Variants in GNA13 observed in about 807,000 individuals in gnomAD.
The protein encoded by GNA13 is guanine nucleotide-binding protein subunit alpha-13.
A neutral mutation model predicts 33.5 loss-of-function variants in GNA13; 4 were observed. The ratio of observed to expected loss-of-function variants is 0.12; its 90% CI spans 0.06 to 0.27. The LOEUF (loss-of-function observed/expected upper bound fraction) is 0.27, where lower values mean the gene tolerates loss of function less well. Ranked by LOEUF, GNA13 falls within the 10% of genes least tolerant of loss-of-function variation. The pLI, the probability that GNA13 is intolerant of heterozygous loss-of-function variation, is 1.00. For synonymous variants in GNA13, 176 were observed against 183.8 expected (o/e 0.96, Z 0.34); for missense variants, 319 against 487.2 (o/e 0.65, Z 3.25).
chr17:65,045,055 A>G (rs1029975483), intron 2 of GNA13, among the ~76,000 whole-genome samples: 35 of 151,742 alleles, frequency 2.3e-4, no homozygotes, highest in Non-Finnish European at 3.4e-4. Context: ...AAAAAAAAAA[A>G]AAAAGAAAAG....
chr17:65,031,462 T>C (rs1455195097), intron 2 of GNA13, among the ~76,000 whole-genome samples: 2 of 152,204 alleles, frequency 1.3e-5, no homozygotes, highest in Non-Finnish European at 2.9e-5. Flanking sequence ...CCCATGCATA[T>C]ATAAGTCCTT....
rs41306353 is a variant in GNA13, at chr17:65,014,290, C to T, written c.1101G>A (p.Leu367=). The part of the protein sequence containing the change: ...LVFRDVKDTI[L]HDNLKQLMLQ ...GCATAAGCTGCTTGAGGTTGTCATG[C>T]AGAATAGTATCCTTCACGTCACGGA... is the stretch of plus-strand genomic sequence containing the variant. Residue 367 remains leucine, a synonymous_variant, in exon 4 of 4, where the codon CTG becomes CTA. Coordinates refer to ENST00000439174, the MANE Select transcript of GNA13 (RefSeq NM_006572.6). This position sits in a 1 kb window ranked among gnomAD's most constrained non-coding sequence, Gnocchi z 5.3. 4,845 of 1,611,674 alleles carry T rather than the reference C, an allele frequency of 3.0e-3. 17 individuals carry two copies. The highest frequency in any genetic ancestry group is 0.011 in the Middle Eastern group (68 of 6,050).
intron 2 of GNA13, among the ~76,000 whole-genome samples, chr17:65,026,329 C>T (rs1156435703): frequency 2.6e-5 from 4 of 152,026 alleles, no homozygotes; most frequent in African/African-American, 9.7e-5. Context: ...ACATAATTGA[C>T]AAATACAATT....
intron 3 of GNA13, among the ~76,000 whole-genome samples, chr17:65,016,837 T>C (rs547182931): frequency 2.6e-5 from 4 of 152,362 alleles, no homozygotes; most frequent in South Asian, 4.1e-4. Flanking sequence ...AGCCTACCTC[T>C]GCATTTTTGC....
chr17:65,052,140 C>T (rs372863935), intron 2 of GNA13: 14 of 152,172 alleles, frequency 9.2e-5, no homozygotes, highest in African/African-American at 3.1e-4. Flanking sequence ...CATCAAACAA[C>T]TTCCTAAGCA....
Position 65,014,930 on chromosome 17 carries a change from G to A in GNA13, c.562-101C>T. On this transcript the variant is annotated intron_variant, in intron 3 of 3. Coordinates refer to ENST00000439174, the MANE Select transcript of GNA13 (RefSeq NM_006572.6). The surrounding 1 kb of genome is among the most constrained non-coding windows in gnomAD (Gnocchi z 5.3). ...TAGTGAATAGATATGCAAACAAAAT[G>A]ATCTTTTAAGTGACATTTTCAGATA... 1 of 670,912 alleles carries A rather than the reference G, an allele frequency of 1.5e-6. No individual in the cohort carries two copies. Among genetic ancestry groups the A allele is most frequent in the Non-Finnish European group, 2.6e-6 (1 of 389,976 alleles). 41.6% of individuals were successfully genotyped at this position (670,912 alleles called of 1,614,324 possible).
rs1238476676 is a variant in GNA13 at position 65,012,474 on chromosome 17, A to C, written c.*1783T>G. The C allele has an allele frequency of 4.5e-6, 1 of 220,038 alleles. No individual in the cohort carries two copies. Among genetic ancestry groups the C allele is most frequent in the Non-Finnish European group, 9.1e-6 (1 of 109,696 alleles). The allele number at this position is 220,038 out of a possible 1,614,324, so 13.6% of individuals were successfully genotyped here. A position where few individuals can be genotyped will look rare whatever the true frequency, so the allele number is the denominator to read the frequency against. ...GCATGAATGATACCATGATACCACG[A>C]ACATGCACGATACCATGAACTTGCA... On this transcript the variant is annotated 3_prime_UTR_variant, in exon 4 of 4. Transcript: ENST00000439174.
intron 2 of GNA13, among the ~76,000 whole-genome samples, chr17:65,041,586 C>T (rs1382172614): frequency 1.3e-5 from 2 of 152,068 alleles, no homozygotes; most frequent in African/African-American, 4.8e-5. Context: ...TAACTAAGTA[C>T]TCTCAACGCC....
intron 2 of GNA13, among the ~76,000 whole-genome samples, chr17:65,038,280 G>A (rs1480315383): frequency 6.6e-6 from 1 of 152,116 alleles, no homozygotes; most frequent in Non-Finnish European, 1.5e-5. Context: ...GCACGTGCCT[G>A]TAATCTCAGC....
At chr17:65,039,224 A>G (rs1216113786) in intron 2 of GNA13, among the ~76,000 whole-genome samples, 2 of 152,048 alleles carry the variant, frequency 1.3e-5, no homozygotes, top group Non-Finnish European at 2.9e-5. Flanking sequence ...TCCTGAATCC[A>G]TTTTCTTCTC....
chr17:65,023,732 A>G (rs951019548), intron 2 of GNA13, among the ~76,000 whole-genome samples: 7 of 152,258 alleles, frequency 4.6e-5, no homozygotes, highest in Non-Finnish European at 7.3e-5. Flanking sequence ...AGTGGACATA[A>G]TATTTCTAAA....
chr17:65,045,389 G>A (rs1907621297), intron 2 of GNA13, among the ~76,000 whole-genome samples: 1 of 151,252 alleles, frequency 6.6e-6, no homozygotes, highest in Non-Finnish European at 1.5e-5. Flanking sequence ...GTATGGCGGT[G>A]CACGCTTGTA....
chr17:65,043,006 G>A (rs1040015570), intron 2 of GNA13, among the ~76,000 whole-genome samples: 2 of 152,102 alleles, frequency 1.3e-5, no homozygotes, highest in South Asian at 2.1e-4. Context: ...GTACTGTGGG[G>A]CTTTACATGG....
At chr17:65,027,213 T>C (rs1906821414) in intron 2 of GNA13, among the ~76,000 whole-genome samples, 1 of 152,200 alleles carries the variant, frequency 6.6e-6, no homozygotes, top group African/African-American at 2.4e-5. Flanking sequence ...TTTTGTGTCC[T>C]TTCTCTTGCC....
chr17:65,037,791 A>AAAAAAAAAAAAAAAAAAAAAAAAAAC (rs1567824027), intron 2 of GNA13, among the ~76,000 whole-genome samples: 1 of 149,714 alleles, frequency 6.7e-6, no homozygotes, highest in Non-Finnish European at 1.5e-5. Flanking sequence ...AAAAAAAAAA[A>AAAAAAAAAAAAAAAAAAAAAAAAAAC]AAAAAAAAAG....
At position 65,049,649 on chromosome 17, in the gene GNA13, G is replaced by C. The variant is rs140199059; in HGVS notation, c.510+3853C>G. Among the ~76,000 whole-genome samples the C allele has an allele frequency of 9.6e-3, 1,460 of 152,258 alleles. 21 individuals are homozygous for C. The highest frequency in any genetic ancestry group is 0.034 in the African/African-American group (1,410 of 41,548). Reference sequence around the variant, plus strand: ...ATCTCCATTCTAGCCAAGAAGACTGGAGATGCTTCAAATAAAGAGACACAG... The same window carrying C: ...ATCTCCATTCTAGCCAAGAAGACTGCAGATGCTTCAAATAAAGAGACACAG... On this transcript the variant is annotated intron_variant, in intron 2 of 3. Coordinates refer to ENST00000439174, the MANE Select transcript of GNA13 (RefSeq NM_006572.6).
chr17:65,037,564 C>T (rs1235201), intron 2 of GNA13, among the ~76,000 whole-genome samples: 1 of 152,018 alleles, frequency 6.6e-6, no homozygotes, highest in Non-Finnish European at 1.5e-5. Context: ...GCCTACATTT[C>T]TCCTACCTTT....
At chr17:65,026,447 A>G (rs1906787777) in intron 2 of GNA13, among the ~76,000 whole-genome samples, 1 of 152,242 alleles carries the variant, frequency 6.6e-6, no homozygotes, top group Admixed American at 6.5e-5. Flanking sequence ...TCCATTAAAA[A>G]CAAAAACAAA....
intron 2 of GNA13, among the ~76,000 whole-genome samples, chr17:65,029,770 T>G (rs1906935529): frequency 6.6e-6 from 1 of 152,228 alleles, no homozygotes; most frequent in Admixed American, 6.5e-5. Flanking sequence ...ATCTGTTGAA[T>G]TTTTTGTATT....
Sources: gnomAD v4.1 joint callset for allele counts (sites outside exome capture counted in the v4.1 genomes callset) on GRCh38, gnomAD v4.1.1 for gene constraint, Gnocchi (gnomAD v3.1) non-coding constraint, MANE v1.5 for transcripts, NCBI Gene and HGNC (gene_info 2026-07-23, HGNC 2026-07-21) for gene names.